SYNE2: variants seen among roughly 807,000 people sequenced by gnomAD.
SYNE2 encodes the protein spectrin repeat containing nuclear envelope protein 2, also known as nesprin-2.
Under a neutral mutation model 856.3 loss-of-function variants are expected in SYNE2, and 431 were observed. That is an observed-to-expected ratio of 0.50 (90% CI 0.47 to 0.55). The LOEUF (loss-of-function observed/expected upper bound fraction) is 0.55, where lower values mean the gene tolerates loss of function less well. SYNE2 is among the 20% of genes least tolerant of loss of function. The pLI is 0.00. For missense variants in SYNE2, 8,129 were observed against 8,023.2 expected (o/e 1.01, Z -0.50); for synonymous variants, 2,923 against 2,872.3 (o/e 1.02, Z -0.56).
At chr14:63,908,168 A>G (rs191364541) in intron 1 of SYNE2, among the ~76,000 whole-genome samples, 1 of 151,974 alleles carries the variant, frequency 6.6e-6, no homozygotes, top group Admixed American at 6.6e-5. Flanking sequence ...CTCCCCCAGC[A>G]TTTTATTATG....
chr14:64,075,597 C>CTTTT, intron 53 of SYNE2: 1 of 163,406 alleles, frequency 6.1e-6, no homozygotes, highest in Non-Finnish European at 1.3e-5. Context: ...TTCTTTGAAA[C>CTTTT]TTTTTTTTTT....
At chr14:64,000,803 C>T in intron 28 of SYNE2, 84 bp downstream of exon 28, 1 of 1,232,790 alleles carries the variant, frequency 8.1e-7, no homozygotes, top group Non-Finnish European at 1.2e-6. Flanking sequence ...TCTTGCTATA[C>T]TAAGTATGTT....
chr14:63,895,780 A>C (rs1187663749), intron 1 of SYNE2, among the ~76,000 whole-genome samples: 1 of 150,478 alleles, frequency 6.6e-6, no homozygotes, highest in Non-Finnish European at 1.5e-5. Flanking sequence ...ATCTCCAAAA[A>C]AAAAAAAAAA....
At chr14:64,215,789 C>T (rs905614526) in intron 107 of SYNE2, 2 of 489,764 alleles carry the variant, frequency 4.1e-6, no homozygotes, top group Non-Finnish European at 6.4e-6. Context: ...GGGAAAAAAC[C>T]TTCCTTTCCT....
chr14:64,101,916 T>A lies in SYNE2; in HGVS notation c.12382-16T>A, dbSNP rs2097733156. 6.3e-7 allele frequency: 1 copy of A among 1,596,172 alleles called. No homozygotes were observed. On this transcript the variant is annotated splice_polypyrimidine_tract_variant and intron_variant, in intron 63 of 115. Transcript: ENST00000555002. ...GGAAGCTCTTCCCTTTGCTAACCAA[T>A]CGTTTACTGTGATAGAATGGAGATG...
chr14:63,903,956 A>G (rs1043672658), intron 1 of SYNE2, among the ~76,000 whole-genome samples: 1 of 152,018 alleles, frequency 6.6e-6, no homozygotes, highest in African/African-American at 2.4e-5. Flanking sequence ...GTTGTTTTTC[A>G]ACCCATGCTC....
At chr14:64,013,323 A>ATTTTTTTTT (rs57074861) in intron 32 of SYNE2, among the ~76,000 whole-genome samples, 1 of 136,278 alleles carries the variant, frequency 7.3e-6, no homozygotes, top group African/African-American at 2.6e-5. Context: ...TCCTCATTAA[A>ATTTTTTTTT]TTTTTTTTTT....
chr14:64,016,384 T>G, intron 32 of SYNE2, 89 bp from the exon 33 acceptor site: 2 of 881,318 alleles, frequency 2.3e-6, no homozygotes, highest in Non-Finnish European at 3.5e-6. Context: ...GGTATTGTTT[T>G]TAAGCTCAAT....
intron 99 of SYNE2, among the ~76,000 whole-genome samples, chr14:64,199,469 G>C (rs1198289064): frequency 2.6e-5 from 4 of 152,094 alleles, no homozygotes; most frequent in Non-Finnish European, 4.4e-5. Context: ...TGTAATCCTA[G>C]CGCTTTGGGA....
intron 54 of SYNE2, among the ~76,000 whole-genome samples, chr14:64,077,149 T>C (rs72718402): frequency 0.065 from 9,871 of 152,130 alleles, 484 homozygotes; most frequent in African/African-American, 0.14. Context: ...AAACAGCAAC[T>C]AATTTTTATT....
chr14:63,999,604 AAAC>A (rs1485620711), intron 27 of SYNE2, among the ~76,000 whole-genome samples: 3 of 152,350 alleles, frequency 2.0e-5, no homozygotes, highest in African/African-American at 7.2e-5. Flanking sequence ...GTTGACTCAG[AAAC>A]AACAGAAAGA....
Position 63,982,721 on chromosome 14 carries a change from T to C in SYNE2, c.1928T>C (p.Val643Ala), listed in dbSNP as rs895483038. ...NFLVEVSNDVVGSSISKELRR... is the reference protein window; with the variant it reads ...NFLVEVSNDVAGSSISKELRR... The stretch of plus-strand genomic sequence containing the variant: ...TTAGTCGAAGTCAGCAATGATGTGG[T>C]TGGATCATCTATTTCTAAAGAACTG... The change falls in exon 17 of 116, where the codon GTT becomes GCT. Residue 643 changes from valine to alanine, a missense_variant. Around this residue, in one of 3 missense-constraint regions of SYNE2, gnomAD observed 2,422 missense variants for 2,357.4 expected, o/e 1.03. Coordinates refer to ENST00000555002, the MANE Select transcript of SYNE2 (RefSeq NM_182914.3). 1.2e-6 allele frequency: 2 copies of C among 1,613,904 alleles called. No homozygotes were observed. Among genetic ancestry groups the C allele is most frequent in the African/African-American group, 1.3e-5 (1 of 74,898 alleles).
chr14:63,902,478 T>C (rs1166827667), intron 1 of SYNE2, among the ~76,000 whole-genome samples: 2 of 151,088 alleles, frequency 1.3e-5, no homozygotes. Flanking sequence ...TGTTACATAA[T>C]TGTGGTAACT....
chr14:64,070,597 G>A (rs766791035), intron 51 of SYNE2, 48 bp from the exon 52 acceptor site: 4 of 1,532,730 alleles, frequency 2.6e-6, no homozygotes, highest in Non-Finnish European at 1.8e-6. Context: ...GTCCTGAAAT[G>A]TAATTGTATA....
At chr14:63,900,081 C>A (rs967324862) in intron 1 of SYNE2, among the ~76,000 whole-genome samples, 1 of 152,150 alleles carries the variant, frequency 6.6e-6, no homozygotes, top group Non-Finnish European at 1.5e-5. Context: ...TAGGTCAGGG[C>A]CAGCGGAAGG....
intron 1 of SYNE2, among the ~76,000 whole-genome samples, chr14:63,814,479 ATATC>A (rs947595039): frequency 8.8e-6 from 1 of 113,182 alleles, no homozygotes; most frequent in African/African-American, 3.1e-5. Context: ...TATATAATAT[ATATC>A]CTTATATATA....
At chr14:64,095,499 T>A (rs960876211) in intron 61 of SYNE2, among the ~76,000 whole-genome samples, 13 of 152,216 alleles carry the variant, frequency 8.5e-5, no homozygotes, top group African/African-American at 3.1e-4. Flanking sequence ...TGTTGACACA[T>A]TGTCAATATT....
chr14:63,939,195 C>T (rs2095870061), intron 2 of SYNE2, among the ~76,000 whole-genome samples: 1 of 152,020 alleles, frequency 6.6e-6, no homozygotes, highest in Non-Finnish European at 1.5e-5. Context: ...ACCCTTAACC[C>T]TGGTGTTGAG....
chr14:64,107,680 G>A, intron 65 of SYNE2, 73 bp downstream of exon 65: 1 of 1,151,794 alleles, frequency 8.7e-7, no homozygotes, highest in Non-Finnish European at 1.3e-6. Context: ...AGTGTTCTGT[G>A]TCCTGCAATA....
Sources: gnomAD v4.1 joint callset for allele counts (sites outside exome capture counted in the v4.1 genomes callset) on GRCh38, gnomAD v4.1.1 for gene constraint, gnomAD v4.1.1 regional missense constraint, MANE v1.5 for transcripts, NCBI Gene and HGNC (gene_info 2026-07-23, HGNC 2026-07-21) for gene names.